The following UGT1A10 variants were observed in gnomAD, a reference collection of about 807,000 sequenced individuals.
The protein encoded by UGT1A10 is UDP-glucuronosyltransferase 1A10.
UGT1A10 carries 49 observed loss-of-function variants against 45.8 expected under a neutral mutation model. That is an observed-to-expected ratio of 1.07 (90% CI 0.85 to 1.36). UGT1A10 has a LOEUF of 1.36. Ranked by LOEUF, UGT1A10 falls within the 40% of genes most tolerant of loss-of-function variation. The probability of loss-of-function intolerance (pLI) is 0.00; values close to 1 mark genes in which losing one functional copy is unlikely to be tolerated. For synonymous variants in UGT1A10, 284 were observed against 249.7 expected (o/e 1.14, Z -1.29); for missense variants, 745 against 668.6 (o/e 1.11, Z -1.26).
intron 1 of UGT1A10, among the ~76,000 whole-genome samples, chr2:233,738,417 G>A (rs1690784004): frequency 6.6e-6 from 1 of 152,216 alleles, no homozygotes; most frequent in Non-Finnish European, 1.5e-5. Context: ...ACAGGCAGAG[G>A]CTGGAACAGT....
At chr2:233,685,298 G>T (rs937897898) in intron 1 of UGT1A10, among the ~76,000 whole-genome samples, 1 of 152,168 alleles carries the variant, frequency 6.6e-6, no homozygotes, top group African/African-American at 2.4e-5. Context: ...CTTTCAAAGT[G>T]TTGAGATTAC....
rs57703499 is a variant in UGT1A10, at chr2:233,667,068, G to A, written c.855+29691G>A. ...CTATCATTGTTGGACATTTGGGTTGGTTCCAAGTCTTTGCTATTGTGAATA... is the reference window on the plus strand; with the variant it reads ...CTATCATTGTTGGACATTTGGGTTGATTCCAAGTCTTTGCTATTGTGAATA... On this transcript the variant is annotated intron_variant, in intron 1 of 4. Coordinates refer to ENST00000344644, the MANE Select transcript of UGT1A10 (RefSeq NM_019075.4). 3.1e-4 allele frequency among the ~76,000 whole-genome samples: 47 copies of A among 152,218 alleles called. No homozygotes were observed. The East Asian group carries it at 8.7e-3, about 28-fold the overall frequency.
chr2:233,767,119 A>C lies in UGT1A10; in HGVS notation c.941A>C (p.Lys314Thr). 6.2e-7 allele frequency: 1 copy of C among 1,614,168 alleles called. No individual in the cohort carries two copies. Among genetic ancestry groups the C allele is most frequent in the Non-Finnish European group, 8.5e-7 (1 of 1,180,014 alleles). The change falls in exon 2 of 5, where the codon AAG (lysine) becomes ACG (threonine). Residue 314 changes from lysine (K) to threonine (T), a missense_variant. Physicochemically the swap from Lys to Thr is moderately conservative, Grantham distance 78. Coordinates refer to ENST00000344644, the MANE Select transcript of UGT1A10 (RefSeq NM_019075.4). ...TCAATGGTCTCAGAAATTCCAGAGA[A>C]GAAAGCTATGGCAATTGCTGATGCT... ...LGSMVSEIPE[K>T]KAMAIADALG...
chr2:233,682,317 T>C (rs770134908), intron 1 of UGT1A10: 3 of 1,614,198 alleles, frequency 1.9e-6, no homozygotes, highest in Non-Finnish European at 2.5e-6. Flanking sequence ...TGCAGGAGTT[T>C]GTTTAATGAC....
At chr2:233,764,278 T>C (rs1698524796) in intron 1 of UGT1A10, among the ~76,000 whole-genome samples, 1 of 152,134 alleles carries the variant, frequency 6.6e-6, no homozygotes, top group Admixed American at 6.5e-5. Flanking sequence ...CTTTGGTCAT[T>C]CCGGTAACTG....
At chr2:233,763,400 C>G (rs1260538739) in intron 1 of UGT1A10, among the ~76,000 whole-genome samples, 3 of 152,186 alleles carry the variant, frequency 2.0e-5, no homozygotes, top group African/African-American at 7.2e-5. Context: ...CAACATGGCA[C>G]TGGTATTTTT....
At chr2:233,755,130 T>C (rs191550208) in intron 1 of UGT1A10, 4 of 1,321,300 alleles carry the variant, frequency 3.0e-6, no homozygotes, top group African/African-American at 1.5e-5. Flanking sequence ...AGCCACCTGC[T>C]TGAATCTTCT....
chr2:233,724,499 A>T, intron 1 of UGT1A10, among the ~76,000 whole-genome samples: 1 of 77,576 alleles, frequency 1.3e-5, no homozygotes, highest in Admixed American at 1.3e-4. Context: ...GGCCGGGCAG[A>T]GACGCTCCTC....
chr2:233,681,841 G>A lies in UGT1A10; in HGVS notation c.855+44464G>A, dbSNP rs575531809. 27 of 1,516,252 alleles carry A rather than the reference G, an allele frequency of 1.8e-5. No individual in the cohort carries two copies. In the African/African-American group the frequency reaches 2.4e-4, roughly 13 times the overall value. 93.9% of individuals were successfully genotyped at this position (1,516,252 alleles called of 1,614,324 possible). A position where few individuals can be genotyped will look rare whatever the true frequency, so the allele number is the denominator to read the frequency against. On this transcript the variant is annotated intron_variant, in intron 1 of 4. Coordinates refer to ENST00000344644, the MANE Select transcript of UGT1A10 (RefSeq NM_019075.4). ...TTTTTAAATGAATGAATAAGTACAC[G>A]CCTTCTTTTGAGGGCAGGTTCTATC...
At chr2:233,730,473 C>T (rs1012603500) in intron 1 of UGT1A10, among the ~76,000 whole-genome samples, 5 of 152,168 alleles carry the variant, frequency 3.3e-5, no homozygotes, top group African/African-American at 4.8e-5. Flanking sequence ...GAGACCTAGG[C>T]ACTCACATGA....
At chr2:233,639,112 A>G (rs933516942) in intron 1 of UGT1A10, among the ~76,000 whole-genome samples, 5 of 152,218 alleles carry the variant, frequency 3.3e-5, no homozygotes, top group Non-Finnish European at 5.9e-5. Context: ...AAACCTATAT[A>G]TGATTTTATA....
intron 1 of UGT1A10, chr2:233,754,417 C>A (rs964577009): frequency 5.9e-6 from 2 of 341,006 alleles, no homozygotes; most frequent in Non-Finnish European, 1.2e-5. Flanking sequence ...ACAATAAAGA[C>A]AGGCATTGGC....
rs770037031 is a variant in UGT1A10 at position 233,718,834 on chromosome 2, T to C, written c.856-48200T>C. The C allele has an allele frequency of 1.2e-5, 20 of 1,613,482 alleles. No homozygotes were observed. The highest frequency in any genetic ancestry group is 4.0e-5 in the African/African-American group (3 of 74,922). ...GCTTCTGCTGAGATGGCCAGAGGAC[T>C]CCAGGTTCCCCTGCCGCGGCTGGCC... is the stretch of plus-strand genomic sequence containing the variant. On this transcript the variant is annotated intron_variant, in intron 1 of 4. Transcript: ENST00000344644.
At chr2:233,713,139 GACCTCCATGCGAGAGGCC>G in intron 1 of UGT1A10, 2 of 1,614,230 alleles carry the variant, frequency 1.2e-6, no homozygotes, top group Non-Finnish European at 1.7e-6. Context: ...GGCCTTGCGG[GACCTCCATGCGAGAGGCC>G]ACCAGGTGGT....
intron 2 of UGT1A10, 126 bp from the exon 3 acceptor site, chr2:233,767,723 C>T: frequency 1.3e-6 from 2 of 1,549,102 alleles, no homozygotes; most frequent in Non-Finnish European, 1.7e-6. Context: ...TTCACAGTTA[C>T]TGATCCTCCC....
chr2:233,720,860 T>C (rs2076898580), intron 1 of UGT1A10, among the ~76,000 whole-genome samples: 2 of 148,966 alleles, frequency 1.3e-5, no homozygotes, highest in African/African-American at 5.0e-5. Flanking sequence ...CATGTGCCAC[T>C]GCTCCTGGCA....
At position 233,769,583 on chromosome 2, in the gene UGT1A10, G is replaced by A. The variant is rs749814257; in HGVS notation, c.1295+1144G>A. ...GTGAAGAGCTGGAGCATGTTCAGATGAGAGGAGACGGAACACGGGGACACA... is the reference window on the plus strand; with the variant it reads ...GTGAAGAGCTGGAGCATGTTCAGATAAGAGGAGACGGAACACGGGGACACA... On this transcript the variant is annotated intron_variant, in intron 4 of 4. Transcript: ENST00000344644. The surrounding 1 kb of genome is among the most constrained non-coding windows in gnomAD (Gnocchi z 4.4). 1.4e-5 allele frequency: 22 copies of A among 1,612,904 alleles called. No individual in the cohort carries two copies. The East Asian group carries it at 4.7e-4, about 34-fold the overall frequency.
At chr2:233,675,300 T>C (rs1005490200) in intron 1 of UGT1A10, among the ~76,000 whole-genome samples, 2 of 152,210 alleles carry the variant, frequency 1.3e-5, no homozygotes, top group Non-Finnish European at 2.9e-5. Context: ...TCCAGCGTTC[T>C]AATGTGTGTG....
At chr2:233,659,271 T>C (rs1261761060) in intron 1 of UGT1A10, among the ~76,000 whole-genome samples, 1 of 152,190 alleles carries the variant, frequency 6.6e-6, no homozygotes, top group Non-Finnish European at 1.5e-5. Flanking sequence ...TCGCAGGTAG[T>C]CTAAAATCCA....
Sources: gnomAD v4.1 joint callset for allele counts (sites outside exome capture counted in the v4.1 genomes callset) on GRCh38, gnomAD v4.1.1 for gene constraint, Gnocchi (gnomAD v3.1) non-coding constraint, MANE v1.5 for transcripts, NCBI Gene and HGNC (gene_info 2026-07-23, HGNC 2026-07-21) for gene names.